KIF14: variants seen among roughly 807,000 people sequenced by gnomAD.
KIF14 encodes kinesin-like protein KIF14.
A neutral mutation model predicts 176.2 loss-of-function variants in KIF14; 98 were observed. The observed-to-expected ratio is 0.56, with a 90% CI of 0.47 to 0.66. The LOEUF is 0.66. Ranked by LOEUF, KIF14 falls within the 30% of genes least tolerant of loss-of-function variation. The pLI is 0.00. For synonymous variants in KIF14, 566 were observed against 632.2 expected, an observed-to-expected ratio of 0.90 and a Z score of 1.57; for missense variants, 1,751 against 1,920.4, an observed-to-expected ratio of 0.91 and a Z score of 1.65.
rs1660523149 is a variant in KIF14 at position 200,618,444 on chromosome 1, T to A, written c.280A>T (p.Thr94Ser). The A allele has an allele frequency of 6.2e-7, 1 of 1,614,066 alleles. No homozygotes were observed. Among genetic ancestry groups the A allele is most frequent in the South Asian group, 1.1e-5 (1 of 91,090 alleles). ...PVGRLALQRRTTRNKESSLLV... is the reference protein window; with the variant it reads ...PVGRLALQRRSTRNKESSLLV... The stretch of plus-strand genomic sequence containing the variant: ...AAAGATGATTCTTTGTTCCTTGTAG[T>A]TCTCCTCTGAAGTGCCAATCTACCT... Residue 94 changes from threonine (T) to serine (S), a missense_variant, in exon 2 of 30, where the codon ACT becomes TCT. By Grantham distance (58) the Thr-to-Ser change is moderately conservative. Transcript: ENST00000367350.
At chr1:200,561,581 A>G (rs922296362) in intron 25 of KIF14, among the ~76,000 whole-genome samples, 1 of 151,510 alleles carries the variant, frequency 6.6e-6, no homozygotes, top group Non-Finnish European at 1.5e-5. Flanking sequence ...AAAAAAAAAG[A>G]AAAGAAAAAT....
chr1:200,561,686 G>A (rs1657168167), intron 25 of KIF14, among the ~76,000 whole-genome samples: 1 of 152,146 alleles, frequency 6.6e-6, no homozygotes, highest in South Asian at 2.1e-4. Context: ...GCTGCTAAAG[G>A]TGATAAAATG....
chr1:200,611,581 A>T (rs10800716), intron 4 of KIF14, among the ~76,000 whole-genome samples: 83,034 of 152,038 alleles, frequency 0.55, 23,161 homozygotes, highest in East Asian at 0.69. Context: ...TAGAGGCTCC[A>T]GGAGGACTTA....
In KIF14 at chr1:200,553,413, G is replaced by A. The variant is rs751620325; in HGVS notation, c.4922C>T (p.Thr1641Ile). The A allele has an allele frequency of 1.6e-5, 25 of 1,612,380 alleles. No homozygotes were observed. The highest frequency in any genetic ancestry group is 2.0e-5 in the Non-Finnish European group (23 of 1,179,312). ...SSPAVSSEEC[T>I]PSRIQWV ...TCACACCCACTGAATCCTACTGGGT[G>A]TGCATTCCTCTGAGCTCACTGCTGG... Residue 1641 changes from threonine to isoleucine, a missense_variant, in exon 30 of 30, where the codon ACA (threonine) becomes ATA (isoleucine). Coordinates refer to ENST00000367350, the MANE Select transcript of KIF14 (RefSeq NM_014875.3).
Position 200,570,156 on chromosome 1 carries a change from TGAGC to T in KIF14, c.3567-155_3567-152del, listed in dbSNP as rs142883342. On this transcript the variant is annotated intron_variant, in intron 22 of 29. Transcript: ENST00000367350. ...CAAAGGAAAAATTCATTTGGTTAAT[TGAGC>T]AAGAATTTTACTATTTACAGGCACT... 442 of 472,572 alleles carry T rather than the reference TGAGC, an allele frequency of 9.4e-4. 3 individuals are homozygous for T. Among genetic ancestry groups the T allele is most frequent in the African/African-American group, 7.8e-3 (400 of 51,304 alleles). 29.3% of individuals were successfully genotyped at this position (472,572 alleles called of 1,614,324 possible). A position where few individuals can be genotyped will look rare whatever the true frequency, so the allele number is the denominator to read the frequency against.
chr1:200,605,932 T>C, intron 6 of KIF14, 38 bp from the exon 7 acceptor site: 1 of 1,228,668 alleles, frequency 8.1e-7, no homozygotes, highest in Non-Finnish European at 1.2e-6. Flanking sequence ...TCAATTTTAC[T>C]GATGATTATA....
intron 18 of KIF14, among the ~76,000 whole-genome samples, chr1:200,588,243 G>GTTTGTTTTT (rs1553257795): frequency 9.1e-6 from 1 of 109,306 alleles, no homozygotes. Flanking sequence ...TTGTTTGTTT[G>GTTTGTTTTT]TTTTGTTTTT....
At chr1:200,591,935 G>A (rs1413547724) in intron 16 of KIF14, 145 bp downstream of exon 16, 2 of 607,302 alleles carry the variant, frequency 3.3e-6, no homozygotes, top group Non-Finnish European at 5.7e-6. Flanking sequence ...TATATTTGGT[G>A]AACTAATGAA....
At chr1:200,594,803 T>C (rs1659246063) in intron 14 of KIF14, among the ~76,000 whole-genome samples, 2 of 152,342 alleles carry the variant, frequency 1.3e-5, no homozygotes, top group African/African-American at 4.8e-5. Context: ...TAGAGAATAA[T>C]AGTTTAATTA....
chr1:200,605,262 G>A lies in KIF14; in HGVS notation c.1746+21C>T, dbSNP rs181998111. Reference sequence around the variant, plus strand: ...ACCAGGGTGAAAACTGAAAGAGATCGGGAACTTTTAAAAAAAATACCTTGG... The same window carrying A: ...ACCAGGGTGAAAACTGAAAGAGATCAGGAACTTTTAAAAAAAATACCTTGG... On this transcript the variant is annotated intron_variant, in intron 8 of 29. Coordinates refer to ENST00000367350, the MANE Select transcript of KIF14 (RefSeq NM_014875.3). 3.9e-4 allele frequency: 608 copies of A among 1,578,006 alleles called. 3 individuals are homozygous for A. In the Middle Eastern group the frequency reaches 5.7e-3, roughly 15 times the overall value.
intron 27 of KIF14, among the ~76,000 whole-genome samples, chr1:200,557,432 T>A (rs985302228): frequency 2.0e-5 from 3 of 152,260 alleles, no homozygotes; most frequent in Non-Finnish European, 4.4e-5. Context: ...CATTTTCGTA[T>A]ACGTTGTTTC....
At chr1:200,577,228 G>A (rs900683835) in intron 21 of KIF14, among the ~76,000 whole-genome samples, 1 of 151,950 alleles carries the variant, frequency 6.6e-6, no homozygotes, top group African/African-American at 2.4e-5. Flanking sequence ...GAAAGCCAAG[G>A]AACAAGAATC....
intron 23 of KIF14, among the ~76,000 whole-genome samples, chr1:200,566,193 A>G (rs1222022593): frequency 2.6e-5 from 4 of 152,184 alleles, no homozygotes; most frequent in Admixed American, 6.5e-5. Flanking sequence ...CTATACTATG[A>G]GACAATAGAG....
At chr1:200,602,583 T>C (rs774187154) in intron 10 of KIF14, among the ~76,000 whole-genome samples, 4 of 152,206 alleles carry the variant, frequency 2.6e-5, no homozygotes, top group Non-Finnish European at 4.4e-5. Flanking sequence ...GATTTTCCCT[T>C]ATAGGTTTCA....
At chr1:200,555,526 A>G in intron 27 of KIF14, 72 bp from the exon 28 acceptor site, 1 of 837,266 alleles carries the variant, frequency 1.2e-6, no homozygotes, top group South Asian at 2.4e-5. Flanking sequence ...ATTGCATGGG[A>G]CCAGACTTTT....
At chr1:200,593,926 A>ATTTTT (rs1659181935) in intron 14 of KIF14, among the ~76,000 whole-genome samples, 157 bp from the exon 15 acceptor site, 2 of 62,018 alleles carry the variant, frequency 3.2e-5, no homozygotes, top group African/African-American at 1.5e-4. Flanking sequence ...TCCTCCAACT[A>ATTTTT]GTTTTTTTTT....
At position 200,603,870 on chromosome 1, in the gene KIF14, G is replaced by A; in HGVS notation, c.1832C>T (p.Ser611Phe). 6.2e-7 allele frequency: 1 copy of A among 1,611,004 alleles called. No individual in the cohort carries two copies. The highest frequency in any genetic ancestry group is 1.3e-5 in the African/African-American group (1 of 74,984). The change falls in exon 9 of 30, where the codon TCT (serine) becomes TTT (phenylalanine). Residue 611 changes from serine to phenylalanine, a missense_variant. By Grantham distance (155) the Ser-to-Phe change is radical. Transcript: ENST00000367350. ...TCGATCTCCATTAGTGTGAGCCGTAGAGCAGCGCTCACTGCCTGCCAGATC... is the reference window on the plus strand; with the variant it reads ...TCGATCTCCATTAGTGTGAGCCGTAAAGCAGCGCTCACTGCCTGCCAGATC... ...LIDLAGSERCSTAHTNGDRLK... is the reference protein window; with the variant it reads ...LIDLAGSERCFTAHTNGDRLK...
chr1:200,581,761 CTTTTTTT>C (rs66935478), intron 19 of KIF14, among the ~76,000 whole-genome samples: 7 of 83,074 alleles, frequency 8.4e-5, no homozygotes, highest in East Asian at 4.0e-4. Flanking sequence ...TTTCACTTTC[CTTTTTTT>C]TTTTTTTTTT....
At chr1:200,605,123 A>C in intron 8 of KIF14, among the ~76,000 whole-genome samples, 160 bp downstream of exon 8, 1 of 152,212 alleles carries the variant, frequency 6.6e-6, no homozygotes, top group East Asian at 1.9e-4. Context: ...ATGAAACTTA[A>C]ATGTATTTAC....
Sources: gnomAD v4.1 joint callset for allele counts (sites outside exome capture counted in the v4.1 genomes callset) on GRCh38, gnomAD v4.1.1 for gene constraint, MANE v1.5 for transcripts, NCBI Gene and HGNC (gene_info 2026-07-23, HGNC 2026-07-21) for gene names.